The following MIGA1 variants were observed in gnomAD, a reference collection of about 807,000 sequenced individuals.
MIGA1 encodes the protein mitoguardin 1.
Under a neutral mutation model 82.0 loss-of-function variants are expected in MIGA1, and 58 were observed. The observed-to-expected ratio is 0.71, with a 90% confidence interval of 0.57 to 0.88. The LOEUF (loss-of-function observed/expected upper bound fraction) is 0.88. Among genes scored for constraint, MIGA1 ranks in the 40% least tolerant of loss-of-function variants. The pLI, the probability that MIGA1 is intolerant of heterozygous loss-of-function variation, is 0.00. For synonymous variants in MIGA1, 249 were observed against 253.6 expected (o/e 0.98, Z 0.17); for missense variants, 751 against 749.1 (o/e 1.00, Z -0.03).
At chr1:77,809,938 A>G (rs1328963227) in intron 5 of MIGA1, among the ~76,000 whole-genome samples, 1 of 151,766 alleles carries the variant, frequency 6.6e-6, no homozygotes, top group Non-Finnish European at 1.5e-5. Context: ...GATTTTGCAT[A>G]CTCCTCACTG....
intron 1 of MIGA1, among the ~76,000 whole-genome samples, chr1:77,782,514 T>C (rs1425491564): frequency 6.6e-6 from 1 of 152,214 alleles, no homozygotes; most frequent in Admixed American, 6.5e-5. Context: ...TTGTTTAACA[T>C]GTGTTCAACT....
At position 77,811,565 on chromosome 1, in the gene MIGA1, G is replaced by A. The variant is rs1683329308; in HGVS notation, c.638-2169G>A. ...TGTGTGGACTGTAAAGCTGCACTTCGCAATTCCAAGCATGTTGCAATTTTG... is the reference window on the plus strand; with the variant it reads ...TGTGTGGACTGTAAAGCTGCACTTCACAATTCCAAGCATGTTGCAATTTTG... On this transcript the variant is annotated intron_variant, in intron 5 of 15. Coordinates refer to ENST00000370791, the MANE Select transcript of MIGA1 (RefSeq NM_198549.4). 1.4e-5 allele frequency: 23 copies of A among 1,610,556 alleles called. 1 individual carries two copies. In the South Asian group the frequency reaches 2.4e-4, roughly 17 times the overall value.
At chr1:77,871,113 G>GGGAGAC (rs1685971693) in intron 14 of MIGA1, among the ~76,000 whole-genome samples, 1 of 20,410 alleles carries the variant, frequency 4.9e-5, no homozygotes, top group African/African-American at 9.8e-5. Context: ...GAGAGGGAGA[G>GGGAGAC]GGAGAGGGAG....
chr1:77,854,154 C>T (rs1685160366), intron 8 of MIGA1, among the ~76,000 whole-genome samples: 1 of 152,166 alleles, frequency 6.6e-6, no homozygotes, highest in Non-Finnish European at 1.5e-5. Context: ...GTTTTCCATT[C>T]CTGAGTTACT....
intron 8 of MIGA1, among the ~76,000 whole-genome samples, chr1:77,855,091 C>G (rs1284924150): frequency 6.6e-6 from 1 of 152,156 alleles, no homozygotes; most frequent in Middle Eastern, 3.2e-3. Flanking sequence ...AGATAAGGAT[C>G]CAGTTTCATT....
intron 7 of MIGA1, among the ~76,000 whole-genome samples, chr1:77,836,315 G>A (rs559988891): frequency 4.6e-5 from 7 of 152,220 alleles, no homozygotes; most frequent in Admixed American, 4.6e-4. Flanking sequence ...AGTCAGTATT[G>A]GAATTCAGCT....
At chr1:77,870,300 G>A (rs11162391) in intron 14 of MIGA1, among the ~76,000 whole-genome samples, 2 of 118,790 alleles carry the variant, frequency 1.7e-5, no homozygotes, top group Admixed American at 7.8e-5. Flanking sequence ...GGTGGCTGCC[G>A]GACGGAGGGG....
intron 14 of MIGA1, among the ~76,000 whole-genome samples, chr1:77,870,076 TG>T: frequency 1.0e-5 from 1 of 100,166 alleles, no homozygotes. Context: ...ACTGGGCGGC[TG>T]GCCGGGCGGG....
intron 4 of MIGA1, among the ~76,000 whole-genome samples, chr1:77,805,064 C>T (rs187010803): frequency 4.0e-5 from 6 of 149,746 alleles, no homozygotes; most frequent in East Asian, 2.0e-4. Flanking sequence ...GCACAATCTC[C>T]GCTCACTGCA....
chr1:77,871,094 G>GGGGACA, intron 14 of MIGA1, among the ~76,000 whole-genome samples: 1 of 53,454 alleles, frequency 1.9e-5, no homozygotes, highest in East Asian at 7.6e-4. Context: ...CCGTGGGAAG[G>GGGGACA]GGGAGAGGGA....
chr1:77,816,823 A>T (rs1199815832), intron 7 of MIGA1, among the ~76,000 whole-genome samples: 1 of 152,258 alleles, frequency 6.6e-6, no homozygotes, highest in Non-Finnish European at 1.5e-5. Flanking sequence ...AGGAGAAAGA[A>T]CCGAGAAAAG....
intron 2 of MIGA1, among the ~76,000 whole-genome samples, chr1:77,791,117 G>A (rs1557895167): frequency 6.6e-6 from 1 of 151,864 alleles, no homozygotes. Context: ...ATGGTGGTAG[G>A]TGCCTATAGT....
chr1:77,842,695 G>T (rs557787828), intron 7 of MIGA1, among the ~76,000 whole-genome samples: 1 of 151,984 alleles, frequency 6.6e-6, no homozygotes, highest in Non-Finnish European at 1.5e-5. Context: ...CTACAGGTGC[G>T]CACCTGGCTA....
chr1:77,862,946 C>CAAA (rs533818182), intron 12 of MIGA1, among the ~76,000 whole-genome samples: 5 of 87,582 alleles, frequency 5.7e-5, no homozygotes, highest in Non-Finnish European at 9.7e-5. Flanking sequence ...GTCTCAGAAG[C>CAAA]AAAAAAAAAA....
chr1:77,875,187 TCTA>T lies in MIGA1; in HGVS notation c.*127_*129del, dbSNP rs1187468201. The T allele has an allele frequency of 1.2e-5, 9 of 767,928 alleles. No individual in the cohort carries two copies. The highest frequency in any genetic ancestry group is 8.5e-5 in the Admixed American group (3 of 35,346). The allele number at this position is 767,928 out of a possible 1,614,324, so 47.6% of individuals were successfully genotyped here. A position where few individuals can be genotyped will look rare whatever the true frequency, so the allele number is the denominator to read the frequency against. ...TGTGGATTCAGGGAGGAAAAAAAAA[TCTA>T]CTAAAAAATGAGCAACTGTACTGTA... On this transcript the variant is annotated 3_prime_UTR_variant, in exon 16 of 16. Coordinates refer to ENST00000370791, the MANE Select transcript of MIGA1 (RefSeq NM_198549.4).
In MIGA1 at chr1:77,813,790, A is replaced by G. The variant is rs1431450567; in HGVS notation, c.694A>G (p.Asn232Asp). The G allele has an allele frequency of 2.5e-6, 4 of 1,614,236 alleles. No individual in the cohort carries two copies. The highest frequency in any genetic ancestry group is 3.4e-6 in the Non-Finnish European group (4 of 1,180,032). The change falls in exon 6 of 16, where the codon AAT (asparagine) becomes GAT (aspartate). Residue 232 changes from asparagine to aspartate, a missense_variant. This residue lies in a region of MIGA1 where 482 missense variants were observed against 439.4 expected (regional missense o/e 1.10). Coordinates refer to ENST00000370791, the MANE Select transcript of MIGA1 (RefSeq NM_198549.4). ...ATGGGAACAAGCTCTGACCTTTCGC[A>G]ATAGACAGGCTGAAGATGAAGCCTG...
At chr1:77,779,825 G>A in intron 1 of MIGA1, 89 bp downstream of exon 1, 1 of 1,451,122 alleles carries the variant, frequency 6.9e-7, no homozygotes, top group Non-Finnish European at 9.0e-7. Flanking sequence ...GAGGCCTCGG[G>A]GCAGGGGTGG....
At chr1:77,866,840 C>T (rs528933119) in intron 14 of MIGA1, among the ~76,000 whole-genome samples, 26 of 151,596 alleles carry the variant, frequency 1.7e-4, no homozygotes, top group African/African-American at 5.8e-4. Flanking sequence ...CCACCACACC[C>T]GGCTAATTTT....
chr1:77,847,076 G>A (rs1684870409), intron 8 of MIGA1: 1 of 776,554 alleles, frequency 1.3e-6, no homozygotes, highest in South Asian at 1.4e-5. Context: ...TACACCAACA[G>A]TAGGGCCACG....
Sources: gnomAD v4.1 joint callset for allele counts (sites outside exome capture counted in the v4.1 genomes callset) on GRCh38, gnomAD v4.1.1 for gene constraint, gnomAD v4.1.1 regional missense constraint, MANE v1.5 for transcripts, NCBI Gene and HGNC (gene_info 2026-07-23, HGNC 2026-07-21) for gene names.